DOK5: variants seen among roughly 807,000 people sequenced by gnomAD.
The protein encoded by DOK5 is downstream of tyrosine kinase 5.
A neutral mutation model predicts 43.3 loss-of-function variants in DOK5; 27 were observed. That is an observed-to-expected ratio of 0.62 (90% confidence interval 0.46 to 0.86). The LOEUF is 0.86. Ranked by LOEUF, DOK5 falls within the 40% of genes least tolerant of loss-of-function variation. DOK5 has a pLI of 0.00. For synonymous variants in DOK5, 146 were observed against 140.1 expected (o/e 1.04, Z -0.30); for missense variants, 373 against 392.9 (o/e 0.95, Z 0.43).
intron 6 of DOK5, among the ~76,000 whole-genome samples, chr20:54,638,664 C>T (rs914895832): frequency 2.0e-5 from 3 of 151,404 alleles, no homozygotes; most frequent in Non-Finnish European, 2.9e-5. Flanking sequence ...AGTCCAGGGA[C>T]ATGATTTTAG....
At chr20:54,476,930 A>G (rs947828254) in intron 1 of DOK5, among the ~76,000 whole-genome samples, 5 of 150,464 alleles carry the variant, frequency 3.3e-5, no homozygotes, top group African/African-American at 1.2e-4. Flanking sequence ...CGATTTTTTT[A>G]TTTCCTAAAA....
At chr20:54,639,707 G>A (rs946625081) in intron 6 of DOK5, among the ~76,000 whole-genome samples, 3 of 152,074 alleles carry the variant, frequency 2.0e-5, no homozygotes, top group Non-Finnish European at 4.4e-5. Flanking sequence ...CTCATTTAAT[G>A]TTGTTGATAG....
chr20:54,539,889 C>T (rs1169390276), intron 1 of DOK5, among the ~76,000 whole-genome samples: 1 of 152,188 alleles, frequency 6.6e-6, no homozygotes, highest in Non-Finnish European at 1.5e-5. Flanking sequence ...AGAAATTCCA[C>T]CTAAGACGTG....
At chr20:54,545,616 T>A (rs1321395035) in intron 1 of DOK5, among the ~76,000 whole-genome samples, 1 of 152,230 alleles carries the variant, frequency 6.6e-6, no homozygotes, top group Non-Finnish European at 1.5e-5. Flanking sequence ...CTAATTCTAA[T>A]GTAGTTAGAA....
intron 1 of DOK5, among the ~76,000 whole-genome samples, chr20:54,541,639 AT>A (rs1984161472): frequency 6.6e-6 from 1 of 151,768 alleles, no homozygotes; most frequent in South Asian, 2.1e-4. Context: ...GATTCACCAC[AT>A]TGGCCAGGCT....
intron 1 of DOK5, among the ~76,000 whole-genome samples, chr20:54,527,084 A>G (rs527549754): frequency 5.2e-4 from 79 of 152,306 alleles, no homozygotes; most frequent in African/African-American, 1.9e-3. Flanking sequence ...CACGAAAGTT[A>G]TTTCCTTAAT....
At chr20:54,568,798 C>CG (rs1985179950) in intron 2 of DOK5, among the ~76,000 whole-genome samples, 2 of 151,700 alleles carry the variant, frequency 1.3e-5, no homozygotes, top group Admixed American at 1.3e-4. Flanking sequence ...GGTGTGGTGG[C>CG]GGGCGCCTGT....
chr20:54,603,542 T>G (rs893252266), intron 5 of DOK5, among the ~76,000 whole-genome samples: 2 of 152,216 alleles, frequency 1.3e-5, no homozygotes, highest in African/African-American at 4.8e-5. Flanking sequence ...TGTCCTCATT[T>G]TGGTCTATTT....
intron 6 of DOK5, among the ~76,000 whole-genome samples, chr20:54,616,274 C>T (rs906616642): frequency 6.6e-6 from 1 of 152,206 alleles, no homozygotes; most frequent in Admixed American, 6.5e-5. Flanking sequence ...CCCTGCCTTA[C>T]ACTGTATCTT....
intron 1 of DOK5, among the ~76,000 whole-genome samples, chr20:54,501,658 C>A (rs1222826549): frequency 6.6e-6 from 1 of 151,880 alleles, no homozygotes; most frequent in South Asian, 2.1e-4. Flanking sequence ...ATATTTCGAC[C>A]CTTAGCATGA....
intron 6 of DOK5, among the ~76,000 whole-genome samples, chr20:54,613,719 T>C (rs6098116): frequency 0.067 from 10,255 of 152,266 alleles, 388 homozygotes; most frequent in Middle Eastern, 0.095. Flanking sequence ...CAAGGTTGGG[T>C]ACGGTGGCTC....
intron 1 of DOK5, among the ~76,000 whole-genome samples, chr20:54,540,116 T>TC (rs945261967): frequency 5.3e-5 from 8 of 151,682 alleles, no homozygotes; most frequent in Non-Finnish European, 1.2e-4. Context: ...CCTCTCTAAG[T>TC]CCCTTTGGAA....
intron 1 of DOK5, among the ~76,000 whole-genome samples, chr20:54,535,008 A>G (rs886229484): frequency 2.0e-5 from 3 of 151,842 alleles, no homozygotes; most frequent in African/African-American, 7.3e-5. Flanking sequence ...TAGTTTTTGT[A>G]TTTTTAGTAG....
chr20:54,476,330 C>A, intron 1 of DOK5: 1 of 643,290 alleles, frequency 1.6e-6, no homozygotes, highest in Non-Finnish European at 1.9e-6. Context: ...GAAGCCCGGG[C>A]GGGGGTGCCT....
chr20:54,529,967 C>T (rs1381314102), intron 1 of DOK5, among the ~76,000 whole-genome samples: 7 of 152,182 alleles, frequency 4.6e-5, no homozygotes, highest in Admixed American at 1.3e-4. Context: ...TTTATCTATT[C>T]ATCCATTTAT....
intron 2 of DOK5, among the ~76,000 whole-genome samples, chr20:54,585,148 G>A (rs942605836): frequency 6.8e-6 from 1 of 147,252 alleles, no homozygotes; most frequent in African/African-American, 2.5e-5. Flanking sequence ...GCTTGTGTGT[G>A]TTGTGTATGT....
chr20:54,565,740 T>C (rs1195222450), intron 2 of DOK5, among the ~76,000 whole-genome samples: 4 of 152,180 alleles, frequency 2.6e-5, no homozygotes, highest in Admixed American at 2.0e-4. Flanking sequence ...ATACTGAACA[T>C]GGTCGGGCGC....
chr20:54,606,389 T>C (rs533515492), intron 5 of DOK5, among the ~76,000 whole-genome samples: 1 of 152,006 alleles, frequency 6.6e-6, no homozygotes, highest in Non-Finnish European at 1.5e-5. Context: ...TAAAAATCAA[T>C]GGGTAAAGAG....
intron 1 of DOK5, among the ~76,000 whole-genome samples, chr20:54,533,981 A>G (rs933557661): frequency 6.6e-6 from 1 of 152,096 alleles, no homozygotes; most frequent in Non-Finnish European, 1.5e-5. Context: ...ATTTTTGACT[A>G]TTTTTCTAGT....
Sources: gnomAD v4.1 joint callset for allele counts (sites outside exome capture counted in the v4.1 genomes callset) on GRCh38, gnomAD v4.1.1 for gene constraint, MANE v1.5 for transcripts, NCBI Gene and HGNC (gene_info 2026-07-23, HGNC 2026-07-21) for gene names.